The following TBC1D9 variants were observed in gnomAD, a reference collection of about 807,000 sequenced individuals.
TBC1D9 encodes TBC1 domain family member 9.
A neutral mutation model predicts 132.0 loss-of-function variants in TBC1D9; 63 were observed. That is an observed-to-expected ratio of 0.48 (90% confidence interval 0.39 to 0.59). The LOEUF (loss-of-function observed/expected upper bound fraction) is 0.59, where lower values mean the gene tolerates loss of function less well. Ranked by LOEUF, TBC1D9 falls within the 20% of genes least tolerant of loss-of-function variation. The pLI, the probability that TBC1D9 is intolerant of heterozygous loss-of-function variation, is 0.00. For missense variants in TBC1D9, 1,261 were observed against 1,592.7 expected (o/e 0.79, Z 3.54); for synonymous variants, 610 against 609.9 (o/e 1.00, Z 0.00).
At chr4:140,687,321 A>ATATATGTG (rs1553970627) in intron 2 of TBC1D9, among the ~76,000 whole-genome samples, 8 of 97,462 alleles carry the variant, frequency 8.2e-5, no homozygotes, top group South Asian at 7.4e-4. Flanking sequence ...ATATATATAT[A>ATATATGTG]TGTGTGTGTG....
At chr4:140,680,706 T>C (rs774697107) in intron 3 of TBC1D9, among the ~76,000 whole-genome samples, 4 of 152,176 alleles carry the variant, frequency 2.6e-5, no homozygotes, top group Non-Finnish European at 5.9e-5. Context: ...ACTGTATCTG[T>C]GTAGCCTTGG....
intron 13 of TBC1D9, among the ~76,000 whole-genome samples, chr4:140,645,792 T>C (rs1737094048): frequency 6.6e-6 from 1 of 152,180 alleles, no homozygotes; most frequent in Non-Finnish European, 1.5e-5. Context: ...AAGTGCATCA[T>C]GCAGGCTCCC....
In TBC1D9 at chr4:140,731,605, T is replaced by C. The variant is rs533610303; in HGVS notation, c.130+24311A>G. ...GGTAAATGGTTTCCAAGCTGTTGCGTGTCTTATAGAATGAACACCTGGTCT... is the reference window on the plus strand; with the variant it reads ...GGTAAATGGTTTCCAAGCTGTTGCGCGTCTTATAGAATGAACACCTGGTCT... On this transcript the variant is annotated intron_variant, in intron 1 of 20. Transcript: ENST00000442267. Among the ~76,000 whole-genome samples, 703 of 152,190 alleles carry C rather than the reference T, an allele frequency of 4.6e-3. 6 individuals are homozygous for C. The highest frequency in any genetic ancestry group is 0.016 in the African/African-American group (660 of 41,504).
intron 1 of TBC1D9, among the ~76,000 whole-genome samples, chr4:140,708,372 T>G (rs1406130031): frequency 3.9e-5 from 6 of 152,236 alleles, no homozygotes; most frequent in African/African-American, 1.4e-4. Context: ...ATTTCAGAAG[T>G]AATTTGTTAC....
Position 140,756,096 on chromosome 4 carries a change from G to A in TBC1D9, c.-51C>T, listed in dbSNP as rs574928419. 8.5e-4 allele frequency: 1,276 copies of A among 1,501,740 alleles called. 22 individuals are homozygous for A. In the East Asian group the frequency reaches 0.033, roughly 39 times the overall value. The allele number at this position is 1,501,740 out of a possible 1,614,324, so 93.0% of individuals were successfully genotyped here. On this transcript the variant is annotated 5_prime_UTR_variant, in exon 1 of 21. Coordinates refer to ENST00000442267, the MANE Select transcript of TBC1D9 (RefSeq NM_015130.3). The surrounding 1 kb of genome is among the most constrained non-coding windows in gnomAD (Gnocchi z 5.6). ...ACAATGGGCCCGTGGGTCCAGTCCT[G>A]CACCCACCACCGCGACAGGCGCGCA... is the stretch of plus-strand genomic sequence containing the variant.
intron 13 of TBC1D9, among the ~76,000 whole-genome samples, chr4:140,640,373 C>G (rs1272603539): frequency 7.4e-6 from 1 of 136,042 alleles, no homozygotes; most frequent in African/African-American, 2.8e-5. Context: ...GTCTGGCGCT[C>G]AGTAAATCTG....
Position 140,622,062 on chromosome 4 carries a change from T to C in TBC1D9, c.*133A>G, listed in dbSNP as rs1392707961. 8 of 1,257,652 alleles carry C rather than the reference T, an allele frequency of 6.4e-6. No homozygotes were observed. Among genetic ancestry groups the C allele is most frequent in the African/African-American group, 1.5e-5 (1 of 66,454 alleles). 77.9% of individuals were successfully genotyped at this position (1,257,652 alleles called of 1,614,324 possible). A position where few individuals can be genotyped will look rare whatever the true frequency, so the allele number is the denominator to read the frequency against. On this transcript the variant is annotated 3_prime_UTR_variant, in exon 21 of 21. Transcript: ENST00000442267. Reference sequence around the variant, plus strand: ...CAACAGTTTTCATTGAATTACATTATGAAAACACTAGGCTTCAAGCCAGGT... The same window carrying C: ...CAACAGTTTTCATTGAATTACATTACGAAAACACTAGGCTTCAAGCCAGGT...
intron 1 of TBC1D9, among the ~76,000 whole-genome samples, chr4:140,730,370 CT>C (rs761160964): frequency 5.3e-5 from 8 of 152,306 alleles, no homozygotes; most frequent in Non-Finnish European, 1.0e-4. Flanking sequence ...TTGTCTAAGA[CT>C]TTCAAAGATA....
intron 13 of TBC1D9, among the ~76,000 whole-genome samples, chr4:140,653,875 G>C (rs999750352): frequency 6.6e-6 from 1 of 152,212 alleles, no homozygotes; most frequent in African/African-American, 2.4e-5. Flanking sequence ...GGCAGCCTGA[G>C]GGCCACCATT....
intron 1 of TBC1D9, among the ~76,000 whole-genome samples, chr4:140,742,966 A>G (rs1738783493): frequency 6.6e-6 from 1 of 152,108 alleles, no homozygotes; most frequent in East Asian, 1.9e-4. Context: ...ATGTACATAC[A>G]GTATCAGGAA....
intron 6 of TBC1D9, among the ~76,000 whole-genome samples, chr4:140,675,761 C>A (rs1737614284): frequency 6.6e-6 from 1 of 152,162 alleles, no homozygotes; most frequent in South Asian, 2.1e-4. Flanking sequence ...ATGGTTCTAA[C>A]ACAGGAAATC....
At chr4:140,640,499 G>A (rs560791513) in intron 13 of TBC1D9, among the ~76,000 whole-genome samples, 2 of 152,152 alleles carry the variant, frequency 1.3e-5, no homozygotes, top group African/African-American at 4.8e-5. Flanking sequence ...TCTTGTACCT[G>A]TGAAGAGCTG....
At chr4:140,625,105 A>T (rs1736684375) in intron 18 of TBC1D9, among the ~76,000 whole-genome samples, 1 of 152,176 alleles carries the variant, frequency 6.6e-6, no homozygotes, top group Admixed American at 6.5e-5. Flanking sequence ...TACTTAAAAA[A>T]TGGTAGTGCT....
rs566353181 is a variant in TBC1D9, at chr4:140,664,326, T to C, written c.1589-2219A>G. On this transcript the variant is annotated intron_variant, in intron 9 of 20. Transcript: ENST00000442267. ...TTGCACACTGCAAGCTACAAAATAT[T>C]GCTAAAAGAAATTGACAAAGACTTA... is the stretch of plus-strand genomic sequence containing the variant. Among the ~76,000 whole-genome samples the C allele has an allele frequency of 1.3e-4, 20 of 152,286 alleles. No individual in the cohort carries two copies. The East Asian group carries it at 3.9e-3, about 29-fold the overall frequency.
At chr4:140,690,858 G>C (rs1450383121) in intron 2 of TBC1D9, among the ~76,000 whole-genome samples, 11 of 152,002 alleles carry the variant, frequency 7.2e-5, no homozygotes, top group Non-Finnish European at 7.4e-5. Flanking sequence ...ATTATTATAT[G>C]AACCCATTAT....
At chr4:140,730,728 A>T (rs1371643292) in intron 1 of TBC1D9, among the ~76,000 whole-genome samples, 1 of 152,190 alleles carries the variant, frequency 6.6e-6, no homozygotes, top group Admixed American at 6.5e-5. Flanking sequence ...TCCGTCTCAA[A>T]AAAACAAAAA....
intron 13 of TBC1D9, chr4:140,642,401 C>T: frequency 2.3e-6 from 2 of 858,918 alleles, no homozygotes; most frequent in South Asian, 2.9e-5. Context: ...GGCCGGAGGC[C>T]CTTGGCCAGC....
At chr4:140,704,701 C>G (rs1429369656) in intron 1 of TBC1D9, among the ~76,000 whole-genome samples, 1 of 152,208 alleles carries the variant, frequency 6.6e-6, no homozygotes, top group Non-Finnish European at 1.5e-5. Flanking sequence ...CTGAAAAGGT[C>G]TAACCCAATC....
intron 13 of TBC1D9, among the ~76,000 whole-genome samples, chr4:140,649,802 G>A (rs1243811347): frequency 6.6e-6 from 1 of 152,128 alleles, no homozygotes; most frequent in Non-Finnish European, 1.5e-5. Flanking sequence ...AGAAAACTCT[G>A]GTGGAGTCCC....
Sources: allele counts gnomAD v4.1 joint callset (sites outside exome capture counted in the v4.1 genomes callset), GRCh38; gene constraint gnomAD v4.1.1; non-coding constraint Gnocchi (gnomAD v3.1); transcripts MANE v1.5; gene names NCBI Gene and HGNC (gene_info 2026-07-23, HGNC 2026-07-21).